The following CCDC62 variants were observed in gnomAD, a reference collection of about 807,000 sequenced individuals.
CCDC62 encodes the protein coiled-coil domain containing 62.
CCDC62 carries 72 observed loss-of-function variants against 80.8 expected under a neutral mutation model. The ratio of observed to expected loss-of-function variants is 0.89; its 90% confidence interval spans 0.74 to 1.08. CCDC62 has a LOEUF of 1.08. Among genes scored for constraint, CCDC62 ranks in the 50% least tolerant of loss-of-function variants. The pLI is 0.00. For synonymous variants in CCDC62, 286 were observed against 296.5 expected, an observed-to-expected ratio of 0.96 and a Z score of 0.36; for missense variants, 704 against 809.4, an observed-to-expected ratio of 0.87 and a Z score of 1.58.
chr12:122,808,576 G>A (rs1019706620), intron 10 of CCDC62, among the ~76,000 whole-genome samples: 5 of 152,054 alleles, frequency 3.3e-5, no homozygotes, highest in Middle Eastern at 3.4e-3. Flanking sequence ...GCCCAAGCTG[G>A]AGTGCAGTGA....
intron 2 of CCDC62, among the ~76,000 whole-genome samples, chr12:122,778,920 T>C (rs1879652717): frequency 6.6e-6 from 1 of 152,094 alleles, no homozygotes; most frequent in Non-Finnish European, 1.5e-5. Flanking sequence ...TATATGATTT[T>C]TTCGTTTCTT....
intron 8 of CCDC62, 99 bp downstream of exon 8, chr12:122,798,299 C>T: frequency 1.5e-6 from 1 of 681,984 alleles, no homozygotes; most frequent in South Asian, 1.7e-5. Flanking sequence ...CTACTATTCC[C>T]CATATGGTAG....
chr12:122,783,299 C>T (rs936566587), intron 3 of CCDC62, among the ~76,000 whole-genome samples: 1 of 150,470 alleles, frequency 6.6e-6, no homozygotes, highest in South Asian at 2.1e-4. Flanking sequence ...GCCACCTCGG[C>T]TCACTGCAAG....
At chr12:122,784,253 T>A (rs1263969338) in intron 3 of CCDC62, among the ~76,000 whole-genome samples, 1 of 152,210 alleles carries the variant, frequency 6.6e-6, no homozygotes, top group Non-Finnish European at 1.5e-5. Context: ...CCGGGCGCGG[T>A]GGCTCATGCC....
At chr12:122,775,724 C>T (rs191351182) in intron 1 of CCDC62, among the ~76,000 whole-genome samples, 2 of 152,268 alleles carry the variant, frequency 1.3e-5, no homozygotes, top group Non-Finnish European at 2.9e-5. Context: ...GCAATCCTCC[C>T]GCCTCAGCCT....
chr12:122,778,734 C>T (rs560344509), intron 2 of CCDC62, among the ~76,000 whole-genome samples: 10 of 152,056 alleles, frequency 6.6e-5, no homozygotes, highest in Middle Eastern at 3.4e-3. Flanking sequence ...CAAAAATTAG[C>T]GGGGCATGGT....
chr12:122,801,296 G>A lies in CCDC62; in HGVS notation c.1150G>A (p.Asp384Asn), dbSNP rs1431683921. ...ATGCAAAGAGAAGAAACAACAGATCGATACTGTGTTTGGGGAGAAAAGTGT... is the reference window on the plus strand; with the variant it reads ...ATGCAAAGAGAAGAAACAACAGATCAATACTGTGTTTGGGGAGAAAAGTGT... Reference protein sequence around the residue: ...DECKEKKQQIDTVFGEKSVIT... With the variant: ...DECKEKKQQINTVFGEKSVIT... The change falls in exon 9 of 13, where the codon GAT (aspartate) becomes AAT (asparagine). Residue 384 changes from aspartate to asparagine, a missense_variant. Transcript: ENST00000253079. The A allele has an allele frequency of 1.2e-5, 20 of 1,613,960 alleles. No individual in the cohort carries two copies. The highest frequency in any genetic ancestry group is 1.6e-5 in the Non-Finnish European group (19 of 1,179,996).
At position 122,788,744 on chromosome 12, in the gene CCDC62, A is replaced by G; in HGVS notation, c.499-14A>G. 1 of 1,509,066 alleles carries G rather than the reference A, an allele frequency of 6.6e-7. No homozygotes were observed. The highest frequency in any genetic ancestry group is 1.3e-5 in the South Asian group (1 of 79,362). The allele number at this position is 1,509,066 out of a possible 1,614,324, so 93.5% of individuals were successfully genotyped here. A position where few individuals can be genotyped will look rare whatever the true frequency, so the allele number is the denominator to read the frequency against. ...TAAGAATCTAGGATAACCATTTTCA[A>G]ATTTGGTTTTTAGGACAAAGATATT... On this transcript the variant is annotated splice_polypyrimidine_tract_variant and intron_variant, in intron 4 of 12. Coordinates refer to ENST00000253079, the MANE Select transcript of CCDC62 (RefSeq NM_201435.5).
intron 10 of CCDC62, among the ~76,000 whole-genome samples, chr12:122,806,544 T>A (rs374020795): frequency 6.6e-6 from 1 of 152,062 alleles, no homozygotes; most frequent in African/African-American, 2.4e-5. Context: ...AGTGGTGCAA[T>A]CGTGGCTCAC....
At chr12:122,778,312 C>T (rs1879608069) in intron 2 of CCDC62, among the ~76,000 whole-genome samples, 1 of 150,968 alleles carries the variant, frequency 6.6e-6, no homozygotes, top group Non-Finnish European at 1.5e-5. Context: ...CAAGATTGCG[C>T]CACTGCACTC....
rs1393622479 is a variant in CCDC62 at position 122,813,407 on chromosome 12, C to T, written c.1989C>T (p.Gly663=). 1 of 1,612,396 alleles carries T rather than the reference C, an allele frequency of 6.2e-7. No individual in the cohort carries two copies. The highest frequency in any genetic ancestry group is 8.5e-7 in the Non-Finnish European group (1 of 1,179,572). ...CCATCAGCCATGAGAATCTCACTGG[C>T]AGTGCCACAAATGTATGCGTTTCAT... ...LLPISHENLT[G]SATNKSEVPE... The change falls in exon 11 of 13, where the codon GGC becomes GGT. Residue 663 remains glycine, a synonymous_variant. Coordinates refer to ENST00000253079, the MANE Select transcript of CCDC62 (RefSeq NM_201435.5).
At chr12:122,809,088 G>A (rs951121798) in intron 10 of CCDC62, among the ~76,000 whole-genome samples, 7 of 152,200 alleles carry the variant, frequency 4.6e-5, no homozygotes, top group African/African-American at 1.7e-4. Context: ...GTTCTAGCCA[G>A]TTATTCAATC....
intron 2 of CCDC62, among the ~76,000 whole-genome samples, chr12:122,779,031 TTATA>T (rs918207993): frequency 6.6e-6 from 1 of 152,202 alleles, no homozygotes; most frequent in Admixed American, 6.5e-5. Context: ...CTTATAGCTC[TTATA>T]TAGACATGTT....
At chr12:122,775,876 G>A (rs1879418970) in intron 1 of CCDC62, among the ~76,000 whole-genome samples, 1 of 152,226 alleles carries the variant, frequency 6.6e-6, no homozygotes, top group East Asian at 1.9e-4. Context: ...GCCTTCCAAA[G>A]TGCTGGGATT....
At position 122,807,529 on chromosome 12, in the gene CCDC62, C is replaced by CAAA. The variant is rs35131700; in HGVS notation, c.1851+1251_1851+1253dup. 3.8e-4 allele frequency among the ~76,000 whole-genome samples: 40 copies of CAAA among 104,588 alleles called. 1 individual carries two copies. The highest frequency in any genetic ancestry group is 1.7e-3 in the East Asian group (6 of 3,540). 68.6% of individuals were successfully genotyped at this position (104,588 alleles called of 152,430 possible). A position where few individuals can be genotyped will look rare whatever the true frequency, so the allele number is the denominator to read the frequency against. On this transcript the variant is annotated intron_variant, in intron 10 of 12. Transcript: ENST00000253079. ...CTGGCAACAGAGTGAGACTCTGTCT[C>CAAA]AAAAAAAAAAAAAAAAAAAGGTAAA...
chr12:122,809,007 AAC>A (rs1420487734), intron 10 of CCDC62, among the ~76,000 whole-genome samples: 1 of 152,194 alleles, frequency 6.6e-6, no homozygotes, highest in Non-Finnish European at 1.5e-5. Context: ...CCTAATGACT[AAC>A]AATGTTGTGC....
At chr12:122,812,779 G>GAAAGAAAGA (rs1324492324) in intron 10 of CCDC62, among the ~76,000 whole-genome samples, 1 of 80,508 alleles carries the variant, frequency 1.2e-5, no homozygotes, top group Non-Finnish European at 2.5e-5. Flanking sequence ...GAGAGAGAGA[G>GAAAGAAAGA]AAAGAAAGAA....
intron 12 of CCDC62, among the ~76,000 whole-genome samples, chr12:122,825,248 T>G (rs940672341): frequency 2.7e-5 from 4 of 149,950 alleles, no homozygotes; most frequent in Admixed American, 1.3e-4. Context: ...CAATCTCAGC[T>G]CACTGCAACC....
intron 3 of CCDC62, among the ~76,000 whole-genome samples, chr12:122,782,425 C>G (rs1054894791): frequency 1.3e-5 from 2 of 152,096 alleles, no homozygotes; most frequent in Non-Finnish European, 2.9e-5. Flanking sequence ...AGGGTATAAT[C>G]AAGTTTTGGT....
Sources: gnomAD v4.1 joint callset for allele counts (sites outside exome capture counted in the v4.1 genomes callset) on GRCh38, gnomAD v4.1.1 for gene constraint, MANE v1.5 for transcripts, NCBI Gene and HGNC (gene_info 2026-07-23, HGNC 2026-07-21) for gene names.